KCNT2: variants seen among roughly 807,000 people sequenced by gnomAD.
KCNT2 encodes the protein potassium channel subfamily T member 2.
Under a neutral mutation model 153.8 loss-of-function variants are expected in KCNT2, and 67 were observed. The observed-to-expected ratio is 0.44, with a 90% CI of 0.36 to 0.53. The LOEUF (loss-of-function observed/expected upper bound fraction) is 0.53. KCNT2 is among the 20% of genes least tolerant of loss of function. The probability of loss-of-function intolerance (pLI) is 0.00; values close to 1 mark genes in which losing one functional copy is unlikely to be tolerated. For synonymous variants in KCNT2, 500 were observed against 458.8 expected, an observed-to-expected ratio of 1.09 and a Z score of -1.15; for missense variants, 975 against 1,354.8, an observed-to-expected ratio of 0.72 and a Z score of 4.40.
Position 196,587,111 on chromosome 1 carries a change from T to C in KCNT2, c.95+21104A>G, listed in dbSNP as rs529943349. ...ATTTGAATAAAATTTTAACAAGAAC[T>C]GACACTTTATACACTTAATGTGTTT... is the stretch of plus-strand genomic sequence containing the variant. On this transcript the variant is annotated intron_variant, in intron 1 of 27. Transcript: ENST00000294725. Among the ~76,000 whole-genome samples the C allele has an allele frequency of 7.9e-5, 12 of 152,220 alleles. No individual in the cohort carries two copies. The South Asian group carries it at 1.4e-3, about 18-fold the overall frequency.
chr1:196,302,139 G>T (rs16839751), intron 22 of KCNT2, among the ~76,000 whole-genome samples: 7,413 of 152,200 alleles, frequency 0.049, 280 homozygotes, highest in Non-Finnish European at 0.071. Flanking sequence ...ATTCATAATT[G>T]TTTGGAAGAA....
At chr1:196,362,153 G>C (rs1195363141) in intron 14 of KCNT2, among the ~76,000 whole-genome samples, 1 of 152,040 alleles carries the variant, frequency 6.6e-6, no homozygotes, top group Non-Finnish European at 1.5e-5. Context: ...AGTCAGTGTG[G>C]TAATTATAAT....
intron 22 of KCNT2, among the ~76,000 whole-genome samples, chr1:196,301,982 C>T (rs1661227126): frequency 6.6e-6 from 1 of 152,158 alleles, no homozygotes; most frequent in Admixed American, 6.6e-5. Context: ...TCACGTGATC[C>T]ACCTGCCTCA....
At chr1:196,382,381 A>G (rs896012318) in intron 13 of KCNT2, among the ~76,000 whole-genome samples, 7 of 151,994 alleles carry the variant, frequency 4.6e-5, no homozygotes, top group African/African-American at 1.4e-4. Context: ...TGCTGGGATT[A>G]CAGACGTGAG....
intron 24 of KCNT2, among the ~76,000 whole-genome samples, chr1:196,281,671 G>A (rs999324914): frequency 6.6e-6 from 1 of 151,930 alleles, no homozygotes; most frequent in Admixed American, 6.6e-5. Flanking sequence ...AAACAAAGGA[G>A]TTAAAAAGCA....
chr1:196,442,649 A>T (rs563804687), intron 8 of KCNT2, among the ~76,000 whole-genome samples: 4 of 151,666 alleles, frequency 2.6e-5, no homozygotes, highest in African/African-American at 4.8e-5. Context: ...AAGGTTAAGC[A>T]TTCTAGGTAG....
intron 26 of KCNT2, chr1:196,257,137 TA>T: frequency 1.5e-6 from 1 of 664,380 alleles, no homozygotes; most frequent in Non-Finnish European, 1.9e-6. Flanking sequence ...TTCTGAAAGG[TA>T]AAATGAGATA....
chr1:196,516,058 A>C (rs1682024787), intron 1 of KCNT2, among the ~76,000 whole-genome samples: 1 of 152,170 alleles, frequency 6.6e-6, no homozygotes, highest in African/African-American at 2.4e-5. Flanking sequence ...AACTCCAGCA[A>C]GGTGGGAGGT....
At chr1:196,566,185 G>C (rs899626487) in intron 1 of KCNT2, among the ~76,000 whole-genome samples, 1 of 151,986 alleles carries the variant, frequency 6.6e-6, no homozygotes. Context: ...TTGCCAAGGA[G>C]AGTGAGACTA....
chr1:196,469,080 G>C lies in KCNT2; in HGVS notation c.385-12C>G. 6.4e-7 allele frequency: 1 copy of C among 1,554,992 alleles called. No individual in the cohort carries two copies. The highest frequency in any genetic ancestry group is 8.8e-7 in the Non-Finnish European group (1 of 1,134,512). Reference sequence around the variant, plus strand: ...TCCCAGATGTTTCCCTTCCAAGAAAGAATGAATAAAAACGAAAGTCAATTA... The same window carrying C: ...TCCCAGATGTTTCCCTTCCAAGAAACAATGAATAAAAACGAAAGTCAATTA... On this transcript the variant is annotated splice_polypyrimidine_tract_variant and intron_variant, in intron 5 of 27. Coordinates refer to ENST00000294725, the MANE Select transcript of KCNT2 (RefSeq NM_198503.5).
rs191789667 is a variant in KCNT2, at chr1:196,603,077, C to T, written c.95+5138G>A. On this transcript the variant is annotated intron_variant, in intron 1 of 27. Transcript: ENST00000294725. The stretch of plus-strand genomic sequence containing the variant: ...CTGGGATTACAGGCGTGAGCCACCG[C>T]GCCCGGCCCAAAGTCTATTTTTTAT... Among the ~76,000 whole-genome samples the T allele has an allele frequency of 2.1e-3, 319 of 152,228 alleles. 4 individuals carry two copies. The highest frequency in any genetic ancestry group is 7.0e-3 in the African/African-American group (289 of 41,556).
At chr1:196,350,220 C>T (rs189771488) in intron 14 of KCNT2, among the ~76,000 whole-genome samples, 45 of 152,126 alleles carry the variant, frequency 3.0e-4, no homozygotes, top group African/African-American at 1.1e-3. Context: ...GGGTATATAC[C>T]CAGTAATGAG....
intron 2 of KCNT2, 70 bp from the exon 3 acceptor site, chr1:196,490,007 A>T: frequency 1.4e-6 from 1 of 691,608 alleles, no homozygotes; most frequent in Non-Finnish European, 2.4e-6. Context: ...AGAATTGTCA[A>T]AAATATCAAA....
At chr1:196,534,750 C>T (rs927071366) in intron 1 of KCNT2, among the ~76,000 whole-genome samples, 4 of 152,082 alleles carry the variant, frequency 2.6e-5, no homozygotes, top group South Asian at 2.1e-4. Flanking sequence ...TTAGATAGAT[C>T]GTAAAATCCA....
intron 1 of KCNT2, among the ~76,000 whole-genome samples, chr1:196,532,178 C>A (rs1655029662): frequency 6.6e-6 from 1 of 151,956 alleles, no homozygotes; most frequent in Admixed American, 6.6e-5. Flanking sequence ...AAACATAAGT[C>A]CATGAGACAT....
intron 8 of KCNT2, among the ~76,000 whole-genome samples, chr1:196,462,588 C>T (rs955351284): frequency 6.6e-6 from 1 of 151,240 alleles, no homozygotes; most frequent in African/African-American, 2.4e-5. Flanking sequence ...ATAAAGAAGG[C>T]ATTTGAAATG....
chr1:196,539,984 A>G (rs1656120553), intron 1 of KCNT2, among the ~76,000 whole-genome samples: 1 of 152,068 alleles, frequency 6.6e-6, no homozygotes, highest in African/African-American at 2.4e-5. Context: ...ATTGAAATAA[A>G]TTAGTGTTAT....
chr1:196,358,747 C>T (rs1667379789), intron 14 of KCNT2, among the ~76,000 whole-genome samples: 1 of 151,850 alleles, frequency 6.6e-6, no homozygotes, highest in Admixed American at 6.6e-5. Flanking sequence ...GCTATAGACC[C>T]AAAACAATTT....
intron 14 of KCNT2, among the ~76,000 whole-genome samples, chr1:196,347,393 T>C (rs1251647954): frequency 2.0e-5 from 3 of 152,172 alleles, no homozygotes; most frequent in Admixed American, 6.6e-5. Context: ...TCCAAACTTC[T>C]TATAGCGGCA....
Sources: allele counts gnomAD v4.1 joint callset (sites outside exome capture counted in the v4.1 genomes callset), GRCh38; gene constraint gnomAD v4.1.1; transcripts MANE v1.5; gene names NCBI Gene and HGNC (gene_info 2026-07-23, HGNC 2026-07-21).